ETV5: variants seen among roughly 807,000 people sequenced by gnomAD.
The protein encoded by ETV5 is ETS translocation variant 5.
ETV5 carries 10 observed loss-of-function variants against 70.0 expected under a neutral mutation model. That is an observed-to-expected ratio of 0.14 (90% CI 0.09 to 0.24). ETV5 has a LOEUF of 0.24. Ranked by LOEUF, ETV5 falls within the 10% of genes least tolerant of loss-of-function variation. The pLI is 1.00. For missense variants in ETV5, 453 were observed against 651.2 expected (o/e 0.70, Z 3.31); for synonymous variants, 216 against 242.2 (o/e 0.89, Z 1.01).
Position 186,057,049 on chromosome 3 carries a change from G to A in ETV5, c.1209+26C>T, listed in dbSNP as rs374364930. On this transcript the variant is annotated intron_variant, in intron 11 of 12. Coordinates refer to ENST00000306376, the MANE Select transcript of ETV5 (RefSeq NM_004454.3). This position sits in a 1 kb window ranked among gnomAD's most constrained non-coding sequence, Gnocchi z 4.9. ...CATCAACAACAACAAATCAAAACCCGTCTGAGTCCAGCATCCAGTGCATAC... is the reference window on the plus strand; with the variant it reads ...CATCAACAACAACAAATCAAAACCCATCTGAGTCCAGCATCCAGTGCATAC... 1.2e-4 allele frequency: 199 copies of A among 1,600,210 alleles called. No homozygotes were observed. The highest frequency in any genetic ancestry group is 5.8e-4 in the Admixed American group (34 of 58,850).
intron 5 of ETV5, among the ~76,000 whole-genome samples, chr3:186,084,839 A>C (rs76880877): frequency 0.14 from 21,242 of 152,206 alleles, 1,661 homozygotes; most frequent in African/African-American, 0.19. Flanking sequence ...AATAGAAGGC[A>C]TAAACCTTTT....
intron 1 of ETV5, among the ~76,000 whole-genome samples, chr3:186,107,279 A>G (rs1177202269): frequency 6.6e-6 from 1 of 152,204 alleles, no homozygotes; most frequent in Non-Finnish European, 1.5e-5. Flanking sequence ...AATGTTCAGA[A>G]TAACGCCTCT....
At chr3:186,051,334 A>T (rs1380329098) in intron 12 of ETV5, among the ~76,000 whole-genome samples, 1 of 152,236 alleles carries the variant, frequency 6.6e-6, no homozygotes, top group Non-Finnish European at 1.5e-5. Context: ...GTATCTGGGC[A>T]ACAGTACATT....
At chr3:186,060,625 G>A (rs1467582017) in intron 9 of ETV5, among the ~76,000 whole-genome samples, 1 of 152,156 alleles carries the variant, frequency 6.6e-6, no homozygotes, top group African/African-American at 2.4e-5. Context: ...AGGCATCTGT[G>A]GTCAAGCCTG....
chr3:186,101,276 GTTTTC>G lies in ETV5; in HGVS notation c.232+4024_232+4028del, dbSNP rs764917598. Among the ~76,000 whole-genome samples, 35 of 152,134 alleles carry G rather than the reference GTTTTC, an allele frequency of 2.3e-4. 1 individual carries two copies. Among genetic ancestry groups the G allele is most frequent in the Admixed American group, 6.5e-5 (1 of 15,272 alleles). ...AAGGTGTCTTCTAGGAAACATGGCA[GTTTTC>G]TTTTGTTTTCGTTTTTTAGAGATAG... On this transcript the variant is annotated intron_variant, in intron 5 of 12. Transcript: ENST00000306376.
chr3:186,105,792 G>A lies in ETV5; in HGVS notation c.45+32C>T, dbSNP rs1471632852. 3.1e-6 allele frequency: 5 copies of A among 1,611,182 alleles called. No individual in the cohort carries two copies. In the South Asian group the frequency reaches 5.5e-5, roughly 18 times the overall value. On this transcript the variant is annotated intron_variant, in intron 2 of 12. Coordinates refer to ENST00000306376, the MANE Select transcript of ETV5 (RefSeq NM_004454.3). This position sits in a 1 kb window ranked among gnomAD's most constrained non-coding sequence, Gnocchi z 4.5. ...GGGAAGACTCATATTGGAGAGGGAGGACAAAACAAACCAAAAGCCACATAA... is the reference window on the plus strand; with the variant it reads ...GGGAAGACTCATATTGGAGAGGGAGAACAAAACAAACCAAAAGCCACATAA...
chr3:186,106,501 A>G (rs923156892), intron 1 of ETV5, among the ~76,000 whole-genome samples: 7 of 152,224 alleles, frequency 4.6e-5, no homozygotes, highest in African/African-American at 1.7e-4. Context: ...CTTCACACAC[A>G]ACTCTTTATT....
At chr3:186,061,535 A>G (rs375464275) in intron 9 of ETV5, among the ~76,000 whole-genome samples, 45 of 152,376 alleles carry the variant, frequency 3.0e-4, no homozygotes, top group African/African-American at 1.0e-3. Context: ...CTGTTGCCAC[A>G]GATTTTGGGA....
intron 9 of ETV5, 132 bp downstream of exon 9, chr3:186,064,285 A>T: frequency 2.5e-6 from 2 of 804,600 alleles, no homozygotes; most frequent in South Asian, 3.3e-5. Flanking sequence ...GAAACTGAGC[A>T]ATTTTAAGCT....
At chr3:186,095,719 T>C (rs1009966011) in intron 5 of ETV5, among the ~76,000 whole-genome samples, 3 of 152,258 alleles carry the variant, frequency 2.0e-5, no homozygotes, top group Non-Finnish European at 4.4e-5. Flanking sequence ...CTAGTGTATG[T>C]GTTTAAAAGA....
intron 9 of ETV5, among the ~76,000 whole-genome samples, chr3:186,063,631 G>C (rs1713363626): frequency 6.6e-6 from 1 of 152,136 alleles, no homozygotes. Flanking sequence ...CCAGGCTTGT[G>C]GGTAAACTGC....
intron 7 of ETV5, among the ~76,000 whole-genome samples, chr3:186,067,065 C>T (rs979471702): frequency 2.6e-5 from 4 of 152,190 alleles, no homozygotes; most frequent in Admixed American, 6.5e-5. Context: ...GAGGCTGAGG[C>T]GGGCAGATCG....
intron 12 of ETV5, 21 bp from the exon 13 acceptor site, chr3:186,048,881 T>C (rs1169237579): frequency 1.2e-6 from 2 of 1,600,228 alleles, no homozygotes; most frequent in Non-Finnish European, 1.7e-6. Flanking sequence ...ACACACACCT[T>C]ACAGGGCCCA....
chr3:186,087,437 T>C (rs1475828316), intron 5 of ETV5, among the ~76,000 whole-genome samples: 1 of 152,202 alleles, frequency 6.6e-6, no homozygotes, highest in Non-Finnish European at 1.5e-5. Context: ...TAAGAATTCA[T>C]CATGCAGCTG....
At chr3:186,078,090 G>C in intron 7 of ETV5, 4 of 1,052,142 alleles carry the variant, frequency 3.8e-6, no homozygotes, top group Non-Finnish European at 3.4e-6. Flanking sequence ...AGGGGGCTGG[G>C]TGGACTGGAG....
chr3:186,072,864 G>A (rs550191632), intron 7 of ETV5, among the ~76,000 whole-genome samples: 54 of 152,338 alleles, frequency 3.5e-4, no homozygotes, highest in African/African-American at 1.2e-3. Flanking sequence ...GCTGGGCGTG[G>A]TGGTGCACAC....
chr3:186,064,878 A>T (rs895786277), intron 8 of ETV5, among the ~76,000 whole-genome samples: 6 of 152,156 alleles, frequency 3.9e-5, no homozygotes, highest in African/African-American at 1.4e-4. Context: ...ACTGCTTTAG[A>T]TCTTTTCTAA....
Position 186,066,053 on chromosome 3 carries a change from C to T in ETV5, c.670G>A (p.Glu224Lys). Residue 224 changes from glutamate to lysine, a missense_variant, in exon 8 of 13, where the codon GAA becomes AAA. Coordinates refer to ENST00000306376, the MANE Select transcript of ETV5 (RefSeq NM_004454.3). ...TGAGGAGGGAAGGGGTGGCAGGGTTCAGACAGTTGTCTCTGAAATCTGTAA... is the reference window on the plus strand; with the variant it reads ...TGAGGAGGGAAGGGGTGGCAGGGTTTAGACAGTTGTCTCTGAAATCTGTAA... ...SEQRFQRQLS[E>K]PCHPFPPQPG... is the part of the protein sequence containing the mutation. 1.3e-6 allele frequency: 2 copies of T among 1,592,986 alleles called. No individual in the cohort carries two copies. Among genetic ancestry groups the T allele is most frequent in the Non-Finnish European group, 1.7e-6 (2 of 1,171,900 alleles).
chr3:186,067,347 G>A (rs918940419), intron 7 of ETV5, among the ~76,000 whole-genome samples: 1 of 152,170 alleles, frequency 6.6e-6, no homozygotes. Flanking sequence ...CAGAAGAATC[G>A]CTTGAACCTG....
Sources: allele counts gnomAD v4.1 joint callset (sites outside exome capture counted in the v4.1 genomes callset), GRCh38; gene constraint gnomAD v4.1.1; non-coding constraint Gnocchi (gnomAD v3.1); transcripts MANE v1.5; gene names NCBI Gene and HGNC (gene_info 2026-07-23, HGNC 2026-07-21).